The following DLGAP2 variants were observed in gnomAD, a reference collection of about 807,000 sequenced individuals.
The protein encoded by DLGAP2 is DLG associated protein 2, also known as disks large-associated protein 2.
DLGAP2 carries 26 observed loss-of-function variants against 100.3 expected under a neutral mutation model. The ratio of observed to expected loss-of-function variants is 0.26; its 90% CI spans 0.19 to 0.36. DLGAP2 has a LOEUF of 0.36. Ranked by LOEUF, DLGAP2 falls within the 10% of genes least tolerant of loss-of-function variation. DLGAP2 has a pLI of 1.00. For synonymous variants in DLGAP2, 886 were observed against 630.1 expected, an observed-to-expected ratio of 1.41 and a Z score of -6.08; for missense variants, 1,858 against 1,453.2, an observed-to-expected ratio of 1.28 and a Z score of -4.53.
intron 3 of DLGAP2, among the ~76,000 whole-genome samples, chr8:1,328,521 G>A (rs1214410912): frequency 6.8e-6 from 1 of 148,012 alleles, no homozygotes; most frequent in African/African-American, 2.5e-5. Context: ...TTTGTTTTTT[G>A]GTTTTTTTTA....
chr8:978,597 C>G (rs113494110), intron 2 of DLGAP2, among the ~76,000 whole-genome samples: 32 of 122,054 alleles, frequency 2.6e-4, no homozygotes, highest in African/African-American at 8.0e-4. Context: ...CAGTGAGGGG[C>G]TGGGTTCTGG....
At chr8:1,701,005 T>C (rs1489592771) in intron 14 of DLGAP2, among the ~76,000 whole-genome samples, 183 bp from the exon 15 acceptor site, 2 of 152,132 alleles carry the variant, frequency 1.3e-5, no homozygotes, top group African/African-American at 4.8e-5. Context: ...TCCCATCCTG[T>C]GCAGAAGGCA....
chr8:803,614 G>C (rs1386319457), intron 1 of DLGAP2, among the ~76,000 whole-genome samples: 1 of 151,964 alleles, frequency 6.6e-6, no homozygotes, highest in African/African-American at 2.4e-5. Context: ...TAAGTTAGTT[G>C]TGGGTTCATT....
At chr8:766,758 T>G (rs756409544) in intron 1 of DLGAP2, among the ~76,000 whole-genome samples, 20 of 152,214 alleles carry the variant, frequency 1.3e-4, no homozygotes, top group Non-Finnish European at 2.1e-4. Context: ...CTGTCAACAC[T>G]GCCAGCGTCA....
chr8:1,551,962 C>G (rs1801782882), intron 5 of DLGAP2, among the ~76,000 whole-genome samples: 1 of 152,130 alleles, frequency 6.6e-6, no homozygotes, highest in South Asian at 2.1e-4. Flanking sequence ...CTCGTTCAGC[C>G]CGAGGTTTCT....
At chr8:863,554 C>T (rs1255422162) in intron 1 of DLGAP2, among the ~76,000 whole-genome samples, 1 of 152,174 alleles carries the variant, frequency 6.6e-6, no homozygotes, top group Non-Finnish European at 1.5e-5. Flanking sequence ...AGTATTTTCT[C>T]CCATCTGTGG....
rs138626728 is a variant in DLGAP2, at chr8:1,515,385, C to T, written c.172+13954C>T. Among the ~76,000 whole-genome samples, 660 of 152,344 alleles carry T rather than the reference C, an allele frequency of 4.3e-3. 8 individuals carry two copies. Among genetic ancestry groups the T allele is most frequent in the African/African-American group, 0.015 (628 of 41,584 alleles). On this transcript the variant is annotated intron_variant, in intron 4 of 14. Transcript: ENST00000637795. ...GGCAGTCAGCATACACATGCACATA[C>T]ATGAACACACAGGCATGCACACAGA...
At position 1,584,276 on chromosome 8, in the gene DLGAP2, CATAAAG is replaced by C. The variant is rs571990437; in HGVS notation, c.1442+18387_1442+18392del. ...AAAGTAATCCTGTTTAGAGCCTAAACATAAAGATAATCAATTTAAAAGACGTGTGCA... is the reference window on the plus strand; with the variant it reads ...AAAGTAATCCTGTTTAGAGCCTAAACATAATCAATTTAAAAGACGTGTGCA... On this transcript the variant is annotated intron_variant, in intron 6 of 14. Transcript: ENST00000637795. 1.9e-3 allele frequency among the ~76,000 whole-genome samples: 291 copies of C among 152,280 alleles called. 3 individuals carry two copies. Among genetic ancestry groups the C allele is most frequent in the Non-Finnish European group, 2.7e-3 (186 of 68,020 alleles).
At chr8:1,440,855 C>T (rs576981519) in intron 3 of DLGAP2, among the ~76,000 whole-genome samples, 3 of 152,288 alleles carry the variant, frequency 2.0e-5, no homozygotes, top group East Asian at 1.9e-4. Flanking sequence ...CTCTGGAGTG[C>T]CCAGGGCTGT....
At chr8:1,122,913 T>C (rs186077850) in intron 2 of DLGAP2, among the ~76,000 whole-genome samples, 17 of 152,174 alleles carry the variant, frequency 1.1e-4, no homozygotes, top group East Asian at 1.9e-4. Context: ...CTGGGAAGAG[T>C]GTGATACCAG....
intron 3 of DLGAP2, among the ~76,000 whole-genome samples, chr8:1,322,655 G>A (rs1349529024): frequency 6.6e-6 from 1 of 152,230 alleles, no homozygotes; most frequent in Admixed American, 6.5e-5. Flanking sequence ...CCATGGAAAT[G>A]CATGCACCCA....
intron 3 of DLGAP2, among the ~76,000 whole-genome samples, chr8:1,323,948 T>C (rs1181873094): frequency 1.3e-5 from 2 of 152,220 alleles, no homozygotes; most frequent in Admixed American, 6.5e-5. Context: ...CCAGCTGTTA[T>C]TTAATAGGAT....
intron 2 of DLGAP2, among the ~76,000 whole-genome samples, chr8:1,243,511 T>C (rs1798842162): frequency 2.0e-5 from 3 of 152,218 alleles, no homozygotes; most frequent in Admixed American, 2.0e-4. Context: ...TTATGTTCTG[T>C]TGTCATTTCA....
chr8:1,579,539 T>C (rs187578016), intron 6 of DLGAP2, among the ~76,000 whole-genome samples: 124 of 152,214 alleles, frequency 8.1e-4, no homozygotes, highest in Non-Finnish European at 1.4e-3. Flanking sequence ...TTTTTCAATA[T>C]AAGTAACAAA....
intron 1 of DLGAP2, among the ~76,000 whole-genome samples, chr8:763,216 C>T (rs533453779): frequency 4.6e-5 from 7 of 152,268 alleles, no homozygotes; most frequent in East Asian, 1.9e-4. Context: ...GCAGCGCAGC[C>T]GGGATGAGGA....
intron 2 of DLGAP2, among the ~76,000 whole-genome samples, chr8:1,102,931 C>A (rs371045512): frequency 6.6e-6 from 1 of 150,464 alleles, no homozygotes; most frequent in Non-Finnish European, 1.5e-5. Flanking sequence ...TCTCTGGGTC[C>A]CTATGAGTCT....
At chr8:856,281 CG>C (rs1554434040) in intron 1 of DLGAP2, among the ~76,000 whole-genome samples, 4 of 151,108 alleles carry the variant, frequency 2.6e-5, no homozygotes, top group Non-Finnish European at 1.5e-5. Flanking sequence ...CTTCGCCTCC[CG>C]GGTTCAAGCA....
At chr8:747,967 T>C (rs36183520) in intron 1 of DLGAP2, among the ~76,000 whole-genome samples, 22 of 2,834 alleles carry the variant, frequency 7.8e-3, no homozygotes, top group Admixed American at 0.014. Flanking sequence ...GGGGGCTCTG[T>C]GGTGGGATGG....
chr8:1,383,537 A>G (rs1399657172), intron 3 of DLGAP2, among the ~76,000 whole-genome samples: 1 of 152,134 alleles, frequency 6.6e-6, no homozygotes, highest in Non-Finnish European at 1.5e-5. Context: ...ACAGTTGGCG[A>G]CGTTACCGGT....
Sources: gnomAD v4.1 joint callset for allele counts (sites outside exome capture counted in the v4.1 genomes callset) on GRCh38, gnomAD v4.1.1 for gene constraint, MANE v1.5 for transcripts, NCBI Gene and HGNC (gene_info 2026-07-23, HGNC 2026-07-21) for gene names.